Variants in GALNT17 observed in about 807,000 individuals in gnomAD.
The protein encoded by GALNT17 is polypeptide N-acetylgalactosaminyltransferase 17.
In GALNT17, 29 loss-of-function variants were observed where a neutral mutation model predicts 63.7. That is an observed-to-expected ratio of 0.46 (90% CI 0.34 to 0.62). GALNT17 has a LOEUF of 0.62. GALNT17 is among the 20% of genes least tolerant of loss of function. The pLI is 0.01. For synonymous variants in GALNT17, 305 were observed against 318.3 expected (o/e 0.96, Z 0.45); for missense variants, 603 against 799.6 (o/e 0.75, Z 2.97).
intron 6 of GALNT17, among the ~76,000 whole-genome samples, chr7:71,594,019 A>G (rs915860808): frequency 3.1e-4 from 2 of 6,444 alleles, no homozygotes; most frequent in Non-Finnish European, 6.0e-4. Flanking sequence ...GTGAAAAGCT[A>G]TCATTTTTTT....
chr7:71,411,467 C>T (rs1386543029), intron 3 of GALNT17, among the ~76,000 whole-genome samples: 1 of 152,088 alleles, frequency 6.6e-6, no homozygotes, highest in Non-Finnish European at 1.5e-5. Context: ...TTGTGTGCTT[C>T]CATGGGAGCC....
At chr7:71,638,065 C>T (rs1016135837) in intron 6 of GALNT17, among the ~76,000 whole-genome samples, 3 of 152,192 alleles carry the variant, frequency 2.0e-5, no homozygotes, top group South Asian at 2.1e-4. Flanking sequence ...TGCCCAGAAC[C>T]GAGGGTTCCT....
At position 71,441,344 on chromosome 7, in the gene GALNT17, C is replaced by T. The variant is rs370872191; in HGVS notation, c.962+20239C>T. Among the ~76,000 whole-genome samples the T allele has an allele frequency of 1.2e-4, 19 of 152,266 alleles. No individual in the cohort carries two copies. In the South Asian group the frequency reaches 3.9e-3, roughly 32 times the overall value. ...GTACCGATATCAGAGCCTGCAGAGC[C>T]TTCTCTTCCAACCAATGAACTATCT... On this transcript the variant is annotated intron_variant, in intron 5 of 10. Coordinates refer to ENST00000333538, the MANE Select transcript of GALNT17 (RefSeq NM_022479.3).
At chr7:71,142,252 A>G (rs1787910954) in intron 1 of GALNT17, among the ~76,000 whole-genome samples, 1 of 152,094 alleles carries the variant, frequency 6.6e-6, no homozygotes, top group Non-Finnish European at 1.5e-5. Context: ...TTGCTTTGTG[A>G]ATGTCAGACG....
chr7:71,493,264 G>A (rs980570662), intron 5 of GALNT17, among the ~76,000 whole-genome samples: 3 of 152,138 alleles, frequency 2.0e-5, no homozygotes, highest in Non-Finnish European at 4.4e-5. Context: ...GTTCTGCCAG[G>A]CATCTGTGAT....
At chr7:71,616,825 ATAT>A (rs1426628815) in intron 6 of GALNT17, among the ~76,000 whole-genome samples, 11 of 65,128 alleles carry the variant, frequency 1.7e-4, no homozygotes, top group African/African-American at 2.4e-4. Context: ...TTATATAATC[ATAT>A]TATATATTAT....
intron 5 of GALNT17, among the ~76,000 whole-genome samples, chr7:71,526,869 G>C (rs1050883114): frequency 6.6e-6 from 1 of 152,088 alleles, no homozygotes; most frequent in Non-Finnish European, 1.5e-5. Flanking sequence ...TACAGCCTCA[G>C]CCCCTCTCAG....
At chr7:71,192,651 C>A (rs761639455) in intron 1 of GALNT17, among the ~76,000 whole-genome samples, 2 of 152,178 alleles carry the variant, frequency 1.3e-5, no homozygotes, top group Non-Finnish European at 2.9e-5. Context: ...CCACCTTGGC[C>A]TCCCAAAGTG....
intron 1 of GALNT17, among the ~76,000 whole-genome samples, chr7:71,213,030 A>G (rs770235678): frequency 6.6e-6 from 1 of 152,148 alleles, no homozygotes; most frequent in African/African-American, 2.4e-5. Flanking sequence ...ATGTGAGGAC[A>G]TGAGATTTGG....
At chr7:71,341,310 A>G (rs1480677579) in intron 2 of GALNT17, among the ~76,000 whole-genome samples, 2 of 152,220 alleles carry the variant, frequency 1.3e-5, no homozygotes, top group African/African-American at 2.4e-5. Flanking sequence ...AAGAAATTAG[A>G]TCAGTCCAGT....
chr7:71,323,824 G>A (rs1010574778), intron 1 of GALNT17, among the ~76,000 whole-genome samples: 11 of 152,198 alleles, frequency 7.2e-5, no homozygotes, highest in Admixed American at 7.2e-4. Context: ...TATTTACGAG[G>A]TGTTTGCTAT....
At chr7:71,398,133 T>C (rs1793173256) in intron 3 of GALNT17, among the ~76,000 whole-genome samples, 1 of 152,290 alleles carries the variant, frequency 6.6e-6, no homozygotes, top group Middle Eastern at 3.4e-3. Context: ...AGATGGGGCA[T>C]TTAGTGGCTT....
chr7:71,463,344 C>T (rs2116586341), intron 5 of GALNT17, among the ~76,000 whole-genome samples: 1 of 152,260 alleles, frequency 6.6e-6, no homozygotes. Context: ...ATCAGAGATC[C>T]TATCTGCACA....
chr7:71,675,401 C>T (rs903180476), intron 8 of GALNT17, among the ~76,000 whole-genome samples: 3 of 152,116 alleles, frequency 2.0e-5, no homozygotes, highest in Non-Finnish European at 4.4e-5. Flanking sequence ...GTTTAAAAGC[C>T]TGGCAGCCTC....
intron 1 of GALNT17, among the ~76,000 whole-genome samples, chr7:71,217,518 T>C (rs191269493): frequency 6.6e-6 from 1 of 152,318 alleles, no homozygotes; most frequent in East Asian, 1.9e-4. Context: ...AGATTTCAAA[T>C]ACCTTATATC....
intron 6 of GALNT17, among the ~76,000 whole-genome samples, chr7:71,633,258 G>A (rs1362163402): frequency 1.3e-5 from 2 of 152,122 alleles, no homozygotes; most frequent in Non-Finnish European, 2.9e-5. Context: ...GCACAGCCCG[G>A]CTGTGGGTTG....
At chr7:71,701,915 A>ATATATGTG (rs1554326615) in intron 9 of GALNT17, among the ~76,000 whole-genome samples, 1 of 137,304 alleles carries the variant, frequency 7.3e-6, no homozygotes, top group Non-Finnish European at 1.5e-5. Context: ...ATATATACAT[A>ATATATGTG]TATATATGTA....
intron 3 of GALNT17, among the ~76,000 whole-genome samples, chr7:71,392,747 A>T (rs1229805158): frequency 5.3e-5 from 8 of 152,072 alleles, no homozygotes; most frequent in Non-Finnish European, 1.2e-4. Context: ...TCTCCCAAAT[A>T]CCCAGGGGAC....
In GALNT17 at chr7:71,391,995, C is replaced by CATT. The variant is rs751673855; in HGVS notation, c.589+3596_589+3598dup. 1.3e-4 allele frequency among the ~76,000 whole-genome samples: 20 copies of CATT among 152,136 alleles called. 1 individual carries two copies. The East Asian group carries it at 1.4e-3, about 10-fold the overall frequency. On this transcript the variant is annotated intron_variant, in intron 3 of 10. Coordinates refer to ENST00000333538, the MANE Select transcript of GALNT17 (RefSeq NM_022479.3). ...GTCCCAGACTCTGTGAGAACTTCCT[C>CATT]ATTACCATGAAGGAGGCATCGAGCC... is the stretch of plus-strand genomic sequence containing the variant.
Sources: gnomAD v4.1 joint callset for allele counts (sites outside exome capture counted in the v4.1 genomes callset) on GRCh38, gnomAD v4.1.1 for gene constraint, MANE v1.5 for transcripts, NCBI Gene and HGNC (gene_info 2026-07-23, HGNC 2026-07-21) for gene names.